MYSM1: variants seen among roughly 807,000 people sequenced by gnomAD.
MYSM1 encodes deubiquitinase MYSM1.
A neutral mutation model predicts 116.0 loss-of-function variants in MYSM1; 51 were observed. That is an observed-to-expected ratio of 0.44 (90% CI 0.35 to 0.56). The LOEUF is 0.56. Ranked by LOEUF, MYSM1 falls within the 20% of genes least tolerant of loss-of-function variation. MYSM1 has a pLI of 0.00. For missense variants in MYSM1, 900 were observed against 974.9 expected, an observed-to-expected ratio of 0.92 and a Z score of 1.02; for synonymous variants, 313 against 315.2, an observed-to-expected ratio of 0.99 and a Z score of 0.07.
intron 8 of MYSM1, among the ~76,000 whole-genome samples, chr1:58,678,643 A>T (rs947833437): frequency 2.0e-5 from 3 of 152,222 alleles, no homozygotes; most frequent in African/African-American, 4.8e-5. Context: ...GAGACAGTAA[A>T]CAAATAAAAA....
rs1384006387 is a variant in MYSM1 at position 58,655,858 on chromosome 1, A to T, written c.*4139T>A. 6.6e-6 allele frequency: 1 copy of T among 152,188 alleles called. No individual in the cohort carries two copies. Among genetic ancestry groups the T allele is most frequent in the Non-Finnish European group, 1.5e-5 (1 of 68,040 alleles). 9.4% of individuals were successfully genotyped at this position (152,188 alleles called of 1,614,324 possible). ...CTTTTCTTTGTGCTTGGATAAAAGA[A>T]GTTTTCCTAAATACCATATATTGGT... On this transcript the variant is annotated 3_prime_UTR_variant, in exon 20 of 20. Coordinates refer to ENST00000472487, the MANE Select transcript of MYSM1 (RefSeq NM_001085487.3).
intron 8 of MYSM1, among the ~76,000 whole-genome samples, chr1:58,680,987 A>AAT (rs757727037): frequency 2.0e-3 from 306 of 151,570 alleles, no homozygotes; most frequent in Admixed American, 3.7e-3. Flanking sequence ...ATGCCCAGCT[A>AAT]ATATATATAT....
chr1:58,677,117 G>A, intron 8 of MYSM1, 61 bp from the exon 9 acceptor site: 1 of 1,434,924 alleles, frequency 7.0e-7, no homozygotes, highest in Admixed American at 2.2e-5. Context: ...AAAGATTTCT[G>A]GGGAAAACTT....
chr1:58,690,000 A>G (rs1182844178), intron 5 of MYSM1, among the ~76,000 whole-genome samples: 1 of 152,154 alleles, frequency 6.6e-6, no homozygotes, highest in Non-Finnish European at 1.5e-5. Flanking sequence ...ATTTTTCACA[A>G]TCTGAAAGAA....
At chr1:58,671,570 C>A (rs376543687) in intron 12 of MYSM1, among the ~76,000 whole-genome samples, 5 of 152,034 alleles carry the variant, frequency 3.3e-5, no homozygotes, top group East Asian at 1.9e-4. Context: ...CAAAGAAAAC[C>A]CAGTCATTTC....
At chr1:58,660,600 C>T (rs1644376863) in intron 19 of MYSM1, among the ~76,000 whole-genome samples, 1 of 152,034 alleles carries the variant, frequency 6.6e-6, no homozygotes, top group East Asian at 1.9e-4. Context: ...CAACAACACA[C>T]AAAAAACTGG....
In MYSM1 at chr1:58,660,042, C is replaced by G; in HGVS notation, c.2442G>C (p.Glu814Asp). ...TACAGTTCTCTTCGGTTACTCCATT[C>G]TCTTGGTTGCTTTTATAATTGGAAA... ...LFLSNYKSNQ[E>D]NGVTEENCTK... The change falls in exon 20 of 20, where the codon GAG becomes GAC. Residue 814 changes from glutamate to aspartate, a missense_variant. Glu to Asp is a conservative substitution (Grantham distance 45). Around this residue, in one of 3 missense-constraint regions of MYSM1, gnomAD observed 186 missense variants for 196.2 expected, o/e 0.95. Coordinates refer to ENST00000472487, the MANE Select transcript of MYSM1 (RefSeq NM_001085487.3). 2.5e-6 allele frequency: 4 copies of G among 1,608,720 alleles called. No homozygotes were observed. The highest frequency in any genetic ancestry group is 3.4e-6 in the Non-Finnish European group (4 of 1,176,990).
intron 1 of MYSM1, chr1:58,699,559 G>A (rs1027474352): frequency 1.3e-5 from 12 of 895,108 alleles, no homozygotes; most frequent in African/African-American, 1.8e-5. Flanking sequence ...CCATGTGGAA[G>A]AAGGGATGAA....
intron 7 of MYSM1, among the ~76,000 whole-genome samples, chr1:58,683,071 A>G (rs1569774852): frequency 6.6e-6 from 1 of 152,212 alleles, no homozygotes; most frequent in African/African-American, 2.4e-5. Flanking sequence ...TGCATTTCAA[A>G]TGTAAAGGAT....
In MYSM1 at chr1:58,690,381, G is replaced by C; in HGVS notation, c.255C>G (p.Val85=). The stretch of plus-strand genomic sequence containing the variant: ...TATCATCTTCCTTTTGATCAAGCCA[G>C]ACTTTTTCCGGTTGTGATTTTTTAG... ...YLSKKSQPEK[V]WLDQKEDDKK... Residue 85 remains valine (V), a synonymous_variant, in exon 4 of 20, where the codon GTC becomes GTG. Coordinates refer to ENST00000472487, the MANE Select transcript of MYSM1 (RefSeq NM_001085487.3). 1 of 1,602,370 alleles carries C rather than the reference G, an allele frequency of 6.2e-7. No homozygotes were observed. The highest frequency in any genetic ancestry group is 1.1e-5 in the South Asian group (1 of 88,590).
intron 17 of MYSM1, among the ~76,000 whole-genome samples, chr1:58,662,462 CTT>C (rs5774420): frequency 3.5e-4 from 38 of 109,190 alleles, no homozygotes; most frequent in East Asian, 2.6e-3. Context: ...TCACCCCCCC[CTT>C]TTTTTTTTTT....
chr1:58,679,264 T>C (rs1364190397), intron 8 of MYSM1, among the ~76,000 whole-genome samples: 1 of 152,222 alleles, frequency 6.6e-6, no homozygotes, highest in Non-Finnish European at 1.5e-5. Context: ...CAATTTTTGC[T>C]TTCACAATGT....
intron 7 of MYSM1, among the ~76,000 whole-genome samples, chr1:58,683,729 T>C (rs2100654504): frequency 6.6e-6 from 1 of 152,234 alleles, no homozygotes; most frequent in Admixed American, 6.5e-5. Flanking sequence ...GGATTAAATA[T>C]TTGAGGTTAA....
intron 5 of MYSM1, 27 bp from the exon 6 acceptor site, chr1:58,689,143 A>C (rs1402108222): frequency 1.3e-6 from 2 of 1,565,748 alleles, no homozygotes; most frequent in South Asian, 1.2e-5. Flanking sequence ...GAATTGCAAA[A>C]AAAATTTCTG....
intron 1 of MYSM1, among the ~76,000 whole-genome samples, chr1:58,698,346 C>G (rs1326349632): frequency 6.6e-6 from 1 of 150,956 alleles, no homozygotes; most frequent in Non-Finnish European, 1.5e-5. Flanking sequence ...GTGATCTGCC[C>G]GCCTCGGTCT....
chr1:58,685,296 C>A, intron 6 of MYSM1, 45 bp from the exon 7 acceptor site: 6 of 1,361,034 alleles, frequency 4.4e-6, no homozygotes, highest in Non-Finnish European at 6.1e-6. Context: ...GATGAATTTA[C>A]TTAAGAATAG....
In MYSM1 at chr1:58,658,016, G is replaced by A. The variant is rs953788877; in HGVS notation, c.*1981C>T. On this transcript the variant is annotated 3_prime_UTR_variant, in exon 20 of 20. Transcript: ENST00000472487. ...TATTTGTTCCCCAATATATCATGAG[G>A]AAACAGGTCAAAAGGAAGATGAGTA... 3.3e-5 allele frequency: 5 copies of A among 152,130 alleles called. No homozygotes were observed. The highest frequency in any genetic ancestry group is 4.8e-5 in the African/African-American group (2 of 41,438). 9.4% of individuals were successfully genotyped at this position (152,130 alleles called of 1,614,324 possible).
chr1:58,698,102 A>ATATATATATT, intron 1 of MYSM1, among the ~76,000 whole-genome samples: 3 of 7,770 alleles, frequency 3.9e-4, no homozygotes, highest in Non-Finnish European at 3.6e-4. Flanking sequence ...ATATATATAT[A>ATATATATATT]TTTTTTTTTT....
intron 16 of MYSM1, 38 bp downstream of exon 16, chr1:58,667,000 G>A (rs777917256): frequency 1.9e-5 from 25 of 1,305,820 alleles, no homozygotes; most frequent in South Asian, 1.7e-4. Context: ...TTGAGGGGGT[G>A]TGCAACCATT....
Sources: allele counts gnomAD v4.1 joint callset (sites outside exome capture counted in the v4.1 genomes callset), GRCh38; gene constraint gnomAD v4.1.1; regional missense constraint gnomAD v4.1.1; transcripts MANE v1.5; gene names NCBI Gene and HGNC (gene_info 2026-07-23, HGNC 2026-07-21).